The following NELL1 variants were observed in gnomAD, a reference collection of about 807,000 sequenced individuals.
NELL1 encodes neural EGFL like 1.
Under a neutral mutation model 107.4 loss-of-function variants are expected in NELL1, and 76 were observed. That is an observed-to-expected ratio of 0.71 (90% confidence interval 0.59 to 0.86). NELL1 has a LOEUF of 0.86. Among genes scored for constraint, NELL1 ranks in the 40% least tolerant of loss-of-function variants. NELL1 has a pLI of 0.00. For missense variants in NELL1, 1,024 were observed against 1,005.5 expected (o/e 1.02, Z -0.25); for synonymous variants, 353 against 341.2 (o/e 1.03, Z -0.38).
chr11:20,837,846 G>A (rs534261782), intron 3 of NELL1, among the ~76,000 whole-genome samples: 1 of 152,130 alleles, frequency 6.6e-6, no homozygotes, highest in Non-Finnish European at 1.5e-5. Context: ...AATGAGAATA[G>A]ATAAATCTCC....
chr11:20,905,818 A>G (rs2134139143), intron 5 of NELL1, among the ~76,000 whole-genome samples: 1 of 152,292 alleles, frequency 6.6e-6, no homozygotes, highest in Admixed American at 6.5e-5. Context: ...AGACTAATGT[A>G]TGCACCGGGG....
intron 13 of NELL1, among the ~76,000 whole-genome samples, chr11:21,125,309 C>T (rs1416516147): frequency 6.6e-6 from 1 of 152,104 alleles, no homozygotes; most frequent in East Asian, 1.9e-4. Context: ...CTTCCCCCTA[C>T]CACCAGCTCA....
chr11:20,872,809 G>A (rs1849229928), intron 4 of NELL1, among the ~76,000 whole-genome samples: 1 of 151,830 alleles, frequency 6.6e-6, no homozygotes, highest in East Asian at 1.9e-4. Context: ...TGTATGGGTT[G>A]TTTGGGAATG....
At chr11:20,871,741 TG>T (rs1849202385) in intron 4 of NELL1, among the ~76,000 whole-genome samples, 1 of 152,016 alleles carries the variant, frequency 6.6e-6, no homozygotes, top group African/African-American at 2.4e-5. Flanking sequence ...GAGGCCCTGC[TG>T]GGCGTGGTGG....
chr11:20,774,338 C>G (rs551696415), intron 2 of NELL1, among the ~76,000 whole-genome samples: 1 of 142,170 alleles, frequency 7.0e-6, no homozygotes, highest in South Asian at 2.3e-4. Context: ...TTCTTTCCTT[C>G]TCTCCTCTCT....
At chr11:21,070,945 A>G (rs1423980466) in intron 12 of NELL1, among the ~76,000 whole-genome samples, 1 of 152,136 alleles carries the variant, frequency 6.6e-6, no homozygotes. Flanking sequence ...TATCATGCTT[A>G]CTTAAAAACT....
intron 12 of NELL1, among the ~76,000 whole-genome samples, chr11:21,081,327 T>A (rs953655061): frequency 2.6e-5 from 4 of 152,164 alleles, no homozygotes; most frequent in Non-Finnish European, 5.9e-5. Context: ...AGGCTCCTGT[T>A]CTATCTAAAC....
At chr11:21,512,573 C>T (rs987395620) in intron 15 of NELL1, among the ~76,000 whole-genome samples, 8 of 152,242 alleles carry the variant, frequency 5.3e-5, no homozygotes, top group African/African-American at 1.9e-4. Flanking sequence ...TCTAATTCAA[C>T]TTTGTGCCCC....
intron 9 of NELL1, among the ~76,000 whole-genome samples, chr11:20,930,731 A>C (rs2134176278): frequency 6.6e-6 from 1 of 151,412 alleles, no homozygotes; most frequent in Middle Eastern, 3.5e-3. Context: ...TGATAGTTTT[A>C]GGTTTTTAAA....
rs1234388479 is a variant in NELL1, at chr11:21,046,369, T to C, written c.1301-67220T>C. ...TTGGCTGAATTCAAACCAGTGCTTT[T>C]GGTATGGCTGTGTACTGACTGTTTC... On this transcript the variant is annotated intron_variant, in intron 12 of 19. Transcript: ENST00000357134. Among the ~76,000 whole-genome samples, 4 of 152,192 alleles carry C rather than the reference T, an allele frequency of 2.6e-5. No homozygotes were observed. In the East Asian group the frequency reaches 7.7e-4, roughly 29 times the overall value.
rs1465824696 is a variant in NELL1 at position 20,986,762 on chromosome 11, G to A, written c.1300+26202G>A. Among the ~76,000 whole-genome samples, 6 of 151,860 alleles carry A rather than the reference G, an allele frequency of 4.0e-5. No homozygotes were observed. In the East Asian group the frequency reaches 1.2e-3, roughly 29 times the overall value. ...TCTTAAGCCCACATGAATAAAACAA[G>A]TGACTGTCAATATTTGTATCATTGT... On this transcript the variant is annotated intron_variant, in intron 12 of 19. Coordinates refer to ENST00000357134, the MANE Select transcript of NELL1 (RefSeq NM_006157.5).
chr11:21,413,791 A>G lies in NELL1; in HGVS notation c.1645+42843A>G, dbSNP rs1453292842. On this transcript the variant is annotated intron_variant, in intron 15 of 19. Coordinates refer to ENST00000357134, the MANE Select transcript of NELL1 (RefSeq NM_006157.5). ...TTTGAGGGTATGGCAAGATCTCAAC[A>G]TTAATTTCACCCCATGACCTGTCAC... is the stretch of plus-strand genomic sequence containing the variant. Among the ~76,000 whole-genome samples the G allele has an allele frequency of 2.6e-5, 4 of 152,084 alleles. No homozygotes were observed. The East Asian group carries it at 7.8e-4, about 30-fold the overall frequency.
chr11:20,794,385 A>T (rs1857131210), intron 3 of NELL1, among the ~76,000 whole-genome samples: 1 of 152,202 alleles, frequency 6.6e-6, no homozygotes, highest in South Asian at 2.1e-4. Flanking sequence ...CACTCAATAA[A>T]CACATTTTAA....
chr11:20,735,204 G>T (rs538931117), intron 2 of NELL1, among the ~76,000 whole-genome samples: 5 of 152,140 alleles, frequency 3.3e-5, no homozygotes, highest in African/African-American at 4.8e-5. Flanking sequence ...GAGGGTTGAC[G>T]GAGATGAGGA....
At chr11:21,330,387 C>A (rs761311144) in intron 14 of NELL1, among the ~76,000 whole-genome samples, 13 of 152,036 alleles carry the variant, frequency 8.6e-5, no homozygotes, top group Non-Finnish European at 1.6e-4. Context: ...TGAAGAAATT[C>A]TTTTAATAGT....
chr11:21,431,327 A>C (rs1429346765), intron 15 of NELL1, among the ~76,000 whole-genome samples: 1 of 152,076 alleles, frequency 6.6e-6, no homozygotes, highest in East Asian at 1.9e-4. Context: ...TCCTTTCCAA[A>C]GTTCTATATC....
At chr11:21,002,483 A>G (rs1376310353) in intron 12 of NELL1, among the ~76,000 whole-genome samples, 4 of 152,184 alleles carry the variant, frequency 2.6e-5, no homozygotes, top group Admixed American at 6.5e-5. Flanking sequence ...CTGTTTTATT[A>G]GAAAGCTTTA....
chr11:21,308,165 C>A (rs1427317443), intron 14 of NELL1, among the ~76,000 whole-genome samples: 2 of 151,982 alleles, frequency 1.3e-5, no homozygotes, highest in Admixed American at 1.3e-4. Flanking sequence ...ATAGGAAATA[C>A]CTCGTGGGGT....
intron 16 of NELL1, among the ~76,000 whole-genome samples, chr11:21,556,636 G>A (rs915446526): frequency 2.1e-4 from 32 of 151,958 alleles, no homozygotes; most frequent in African/African-American, 7.2e-4. Context: ...GATTGACTTG[G>A]CACAACTAGA....
Sources: allele counts gnomAD v4.1 joint callset (sites outside exome capture counted in the v4.1 genomes callset), GRCh38; gene constraint gnomAD v4.1.1; transcripts MANE v1.5; gene names NCBI Gene and HGNC (gene_info 2026-07-23, HGNC 2026-07-21).